Variants in ERBB4 observed in about 807,000 individuals in gnomAD.
ERBB4 encodes receptor tyrosine-protein kinase erbB-4.
Under a neutral mutation model 158.0 loss-of-function variants are expected in ERBB4, and 42 were observed. The ratio of observed to expected loss-of-function variants is 0.27; its 90% CI spans 0.21 to 0.34. The LOEUF is 0.34. Among genes scored for constraint, ERBB4 ranks in the 10% least tolerant of loss-of-function variants. The pLI, the probability that ERBB4 is intolerant of heterozygous loss-of-function variation, is 1.00. For synonymous variants in ERBB4, 583 were observed against 558.7 expected (o/e 1.04, Z -0.61); for missense variants, 1,333 against 1,624.1 (o/e 0.82, Z 3.08).
At chr2:211,803,187 A>G (rs2076538573) in intron 3 of ERBB4, among the ~76,000 whole-genome samples, 1 of 152,190 alleles carries the variant, frequency 6.6e-6, no homozygotes, top group African/African-American at 2.4e-5. Flanking sequence ...TAAATTTTGT[A>G]TCTAATCCAA....
At chr2:211,449,579 A>G (rs1432758408) in intron 20 of ERBB4, among the ~76,000 whole-genome samples, 1 of 152,126 alleles carries the variant, frequency 6.6e-6, no homozygotes, top group Non-Finnish European at 1.5e-5. Context: ...AATGGAAAGC[A>G]CACATACCAT....
intron 2 of ERBB4, among the ~76,000 whole-genome samples, chr2:211,965,383 T>C (rs2081285314): frequency 6.6e-6 from 1 of 152,146 alleles, no homozygotes; most frequent in Non-Finnish European, 1.5e-5. Flanking sequence ...ATATAATCTA[T>C]ATTCATTTTT....
chr2:212,250,296 A>C (rs2084483081), intron 1 of ERBB4, among the ~76,000 whole-genome samples: 1 of 151,952 alleles, frequency 6.6e-6, no homozygotes, highest in African/African-American at 2.4e-5. Flanking sequence ...ATGAAAGATA[A>C]TCTCCTTAAA....
intron 12 of ERBB4, among the ~76,000 whole-genome samples, chr2:211,690,647 G>A (rs2072774330): frequency 6.6e-6 from 1 of 152,152 alleles, no homozygotes; most frequent in Non-Finnish European, 1.5e-5. Flanking sequence ...ACCAAAGGAA[G>A]TATCTCCACA....
chr2:211,520,004 G>T (rs1049800751), intron 20 of ERBB4, among the ~76,000 whole-genome samples: 2 of 152,108 alleles, frequency 1.3e-5, no homozygotes, highest in Non-Finnish European at 2.9e-5. Flanking sequence ...TGTGAGGAGG[G>T]GAAGCCTTTA....
At chr2:212,514,427 T>A (rs1056479740) in intron 1 of ERBB4, among the ~76,000 whole-genome samples, 1 of 152,222 alleles carries the variant, frequency 6.6e-6, no homozygotes, top group Admixed American at 6.5e-5. Context: ...ACATAATTTT[T>A]CAGCATTATT....
chr2:212,098,618 A>G (rs941436893), intron 2 of ERBB4, among the ~76,000 whole-genome samples: 3 of 152,154 alleles, frequency 2.0e-5, no homozygotes, highest in African/African-American at 7.2e-5. Context: ...TGCTTTATAA[A>G]AAGAAGTTTT....
chr2:212,006,218 A>G (rs2076256255), intron 2 of ERBB4, among the ~76,000 whole-genome samples: 1 of 152,178 alleles, frequency 6.6e-6, no homozygotes, highest in Non-Finnish European at 1.5e-5. Flanking sequence ...TTCTTTGAGA[A>G]AAAATAACTT....
chr2:211,443,660 G>C (rs1252954945), intron 20 of ERBB4, among the ~76,000 whole-genome samples: 6 of 152,042 alleles, frequency 3.9e-5, no homozygotes, highest in Admixed American at 6.6e-5. Flanking sequence ...CAGGAATGAA[G>C]AGTGATTTCT....
At chr2:211,997,141 T>G (rs1253115364) in intron 2 of ERBB4, among the ~76,000 whole-genome samples, 1 of 152,160 alleles carries the variant, frequency 6.6e-6, no homozygotes, top group Admixed American at 6.6e-5. Flanking sequence ...TTAAACCCCG[T>G]TTGCCGGATT....
intron 2 of ERBB4, among the ~76,000 whole-genome samples, chr2:212,046,200 T>G (rs2077257969): frequency 6.6e-6 from 1 of 152,182 alleles, no homozygotes; most frequent in African/African-American, 2.4e-5. Context: ...CCTAATTTTT[T>G]ATGAGACATA....
intron 1 of ERBB4, among the ~76,000 whole-genome samples, chr2:212,217,425 A>G (rs2083136024): frequency 6.6e-6 from 1 of 151,364 alleles, no homozygotes; most frequent in South Asian, 2.1e-4. Flanking sequence ...ATTTTATATT[A>G]GAGACTTAGA....
In ERBB4 at chr2:212,280,685, T is replaced by C. The variant is rs147877291; in HGVS notation, c.83-155782A>G. On this transcript the variant is annotated intron_variant, in intron 1 of 27. Coordinates refer to ENST00000342788, the MANE Select transcript of ERBB4 (RefSeq NM_005235.3). ...TACAGTTAGATAACTTTATTCACACTGAAGTAGATTCCAGAATAATGAAAT... is the reference window on the plus strand; with the variant it reads ...TACAGTTAGATAACTTTATTCACACCGAAGTAGATTCCAGAATAATGAAAT... 3.8e-3 allele frequency among the ~76,000 whole-genome samples: 570 copies of C among 151,748 alleles called. 4 individuals are homozygous for C. Among genetic ancestry groups the C allele is most frequent in the African/African-American group, 0.013 (532 of 41,474 alleles).
At position 211,398,193 on chromosome 2, in the gene ERBB4, C is replaced by T. The variant is rs141207018; in HGVS notation, c.3136-10201G>A. On this transcript the variant is annotated intron_variant, in intron 25 of 27. Transcript: ENST00000342788. ...CTTAGTGTTATCTTTCATGTCTCCT[C>T]TACCCCACTCCTTATAGCTAAGCAT... Among the ~76,000 whole-genome samples the T allele has an allele frequency of 3.5e-4, 53 of 152,218 alleles. No individual in the cohort carries two copies. The East Asian group carries it at 9.5e-3, about 27-fold the overall frequency.
At chr2:212,243,038 T>C (rs946826213) in intron 1 of ERBB4, among the ~76,000 whole-genome samples, 8 of 152,220 alleles carry the variant, frequency 5.3e-5, no homozygotes, top group Non-Finnish European at 7.3e-5. Flanking sequence ...GATGGTGTAC[T>C]GAGTTCTCTT....
At chr2:212,170,878 G>C (rs750091351) in intron 1 of ERBB4, among the ~76,000 whole-genome samples, 4 of 152,118 alleles carry the variant, frequency 2.6e-5, no homozygotes, top group Non-Finnish European at 5.9e-5. Context: ...ACCTCTGCTA[G>C]GGCAGTGTGA....
At chr2:212,211,082 C>T (rs962490720) in intron 1 of ERBB4, among the ~76,000 whole-genome samples, 1 of 151,988 alleles carries the variant, frequency 6.6e-6, no homozygotes, top group African/African-American at 2.4e-5. Context: ...TCTCTTAGTC[C>T]CCACATTAAT....
chr2:212,489,734 T>C (rs1424482319), intron 1 of ERBB4, among the ~76,000 whole-genome samples: 2 of 151,254 alleles, frequency 1.3e-5, no homozygotes, highest in Non-Finnish European at 3.0e-5. Flanking sequence ...TATATATATA[T>C]ATTATTCTAT....
At chr2:211,726,839 T>G (rs1030836191) in intron 5 of ERBB4, among the ~76,000 whole-genome samples, 5 of 152,280 alleles carry the variant, frequency 3.3e-5, no homozygotes, top group Non-Finnish European at 5.9e-5. Flanking sequence ...GATTAAACCT[T>G]AAGCAAGGGA....
Sources: allele counts gnomAD v4.1 joint callset (sites outside exome capture counted in the v4.1 genomes callset), GRCh38; gene constraint gnomAD v4.1.1; transcripts MANE v1.5; gene names NCBI Gene and HGNC (gene_info 2026-07-23, HGNC 2026-07-21).